MCF2: variants seen among roughly 807,000 people sequenced by gnomAD.
The protein encoded by MCF2 is MCF.2 cell line derived transforming sequence, also known as proto-oncogene DBL.
A neutral mutation model predicts 82.5 loss-of-function variants in MCF2; 44 were observed. The observed-to-expected ratio is 0.53, with a 90% CI of 0.42 to 0.69. The LOEUF (loss-of-function observed/expected upper bound fraction) is 0.69, where lower values mean the gene tolerates loss of function less well. Ranked by LOEUF, MCF2 falls within the 30% of genes least tolerant of loss-of-function variation. MCF2 has a pLI of 0.00. For missense variants in MCF2, 623 were observed against 663.1 expected (o/e 0.94, Z 0.66); for synonymous variants, 217 against 224.9 (o/e 0.96, Z 0.32).
chrX:139,583,162 C>T (rs921278952), intron 24 of MCF2, among the ~76,000 whole-genome samples: 2 of 111,582 alleles, frequency 1.8e-5, no homozygotes, highest in African/African-American at 6.5e-5. Flanking sequence ...GAGAATTCAC[C>T]TTTTACTGAG....
intron 2 of MCF2, 66 bp downstream of exon 5, chrX:139,632,269 T>C (rs1416869879): frequency 5.6e-6 from 5 of 892,792 alleles, no homozygotes; most frequent in Non-Finnish European, 6.0e-6. Flanking sequence ...ATGTAAAATA[T>C]AAACAGCATG....
intron 16 of MCF2, among the ~76,000 whole-genome samples, chrX:139,602,034 A>C (rs968342887): frequency 2.7e-5 from 3 of 111,536 alleles, no homozygotes; most frequent in African/African-American, 9.8e-5. Flanking sequence ...AATCTAACCA[A>C]AATTACGATA....
intron 1 of MCF2, among the ~76,000 whole-genome samples, chrX:139,705,367 C>T (rs189669666): frequency 4.5e-5 from 5 of 111,970 alleles, no homozygotes; most frequent in Admixed American, 3.8e-4. Flanking sequence ...AAAACAGACA[C>T]ATAGACCAAT....
chrX:139,626,829 A>G (rs1932772990), intron 4 of MCF2, 73 bp from the exon 8 acceptor site: 2 of 897,698 alleles, frequency 2.2e-6, no homozygotes. Context: ...AAGGGAGCAT[A>G]CAACTATGGC....
At chrX:139,702,913 G>T (rs758825216) in intron 1 of MCF2, among the ~76,000 whole-genome samples, 3 of 112,250 alleles carry the variant, frequency 2.7e-5, no homozygotes, top group African/African-American at 9.7e-5. Flanking sequence ...GTCTTTGGCT[G>T]TCAGCCTTAT....
chrX:139,595,476 A>G (rs1287552557), intron 19 of MCF2, among the ~76,000 whole-genome samples: 2 of 105,127 alleles, frequency 1.9e-5, no homozygotes, highest in East Asian at 3.0e-4. Context: ...CTATCGCAAG[A>G]ACAAAAAACC....
chrX:139,631,304 G>GTT lies in MCF2; in HGVS notation c.288+89_288+90dup, dbSNP rs56186070. 3.8e-4 allele frequency: 188 copies of GTT among 496,794 alleles called. 1 individual carries two copies. The highest frequency in any genetic ancestry group is 2.1e-3 in the African/African-American group (84 of 40,194). The allele number at this position is 496,794 out of a possible 1,213,427, so 40.9% of individuals were successfully genotyped here. A position where few individuals can be genotyped will look rare whatever the true frequency, so the allele number is the denominator to read the frequency against. On this transcript the variant is annotated intron_variant, in intron 3 of 24. Coordinates refer to ENST00000370576, the Ensembl canonical transcript of MCF2. ...GGGTTTTTTTGTTTTGTTTTGTTTT[G>GTT]TTTTTTTCAAATAGGAAAGAATTCT...
At chrX:139,622,700 A>G (rs1318293896) in intron 6 of MCF2, among the ~76,000 whole-genome samples, 2 of 107,941 alleles carry the variant, frequency 1.9e-5, no homozygotes, top group East Asian at 2.9e-4. Context: ...ATGGACACAG[A>G]AAGGGGAACA....
intron 1 of MCF2, among the ~76,000 whole-genome samples, chrX:139,683,072 G>A (rs1935040656): frequency 9.0e-6 from 1 of 111,393 alleles, no homozygotes; most frequent in Non-Finnish European, 1.9e-5. Flanking sequence ...TGGGACTACA[G>A]GAGTGTGCCA....
At chrX:139,583,483 G>A (rs1041504291) in intron 24 of MCF2, among the ~76,000 whole-genome samples, 2 of 111,476 alleles carry the variant, frequency 1.8e-5, no homozygotes, top group African/African-American at 6.5e-5. Context: ...GTTATCCTAA[G>A]CAAATTAACG....
intron 1 of MCF2, among the ~76,000 whole-genome samples, chrX:139,666,163 T>C (rs73577575): frequency 0.17 from 18,661 of 107,648 alleles, 1,270 homozygotes; most frequent in South Asian, 0.28. Flanking sequence ...TTATTGACTA[T>C]AGTCACTCTA....
chrX:139,582,477 T>C lies in MCF2; in HGVS notation c.2772A>G (p.Leu924=), dbSNP rs141871184. 89 of 1,207,873 alleles carry C rather than the reference T, an allele frequency of 7.4e-5. No individual in the cohort carries two copies. In the African/African-American group the frequency reaches 1.2e-3, roughly 16 times the overall value. The change falls in exon 25 of 25, where the codon CTA becomes CTG. Residue 924 remains leucine (L), a synonymous_variant. Transcript: ENST00000370576. ...ATTTGACATAGTAGCTTCATCAATA[T>C]AGGAGAGCCATCTCCGACACAGGTC... is the stretch of plus-strand genomic sequence containing the variant.
At chrX:139,695,025 ATTCT>A (rs1170534469) in intron 1 of MCF2, among the ~76,000 whole-genome samples, 63 of 99,251 alleles carry the variant, frequency 6.3e-4, no homozygotes, top group African/African-American at 2.2e-3. Context: ...ATCTCTCTGT[ATTCT>A]TTCTTTTTTT....
At position 139,617,721 on chromosome X, in the gene MCF2, C is replaced by T; in HGVS notation, c.808-17G>A. On this transcript the variant is annotated splice_polypyrimidine_tract_variant and intron_variant, in intron 7 of 24. Coordinates refer to ENST00000370576, the Ensembl canonical transcript of MCF2. The stretch of plus-strand genomic sequence containing the variant: ...TAATAGCTCCTGATTATAACAAAGA[C>T]AAAAAATAATGAATACATGATCTCT... 9.7e-7 allele frequency: 1 copy of T among 1,028,440 alleles called. No individual in the cohort carries two copies. Among genetic ancestry groups the T allele is most frequent in the Non-Finnish European group, 1.3e-6 (1 of 771,430 alleles). The allele number at this position is 1,028,440 out of a possible 1,213,427, so 84.8% of individuals were successfully genotyped here.
intron 1 of MCF2, among the ~76,000 whole-genome samples, chrX:139,684,108 A>G (rs1186798575): frequency 8.9e-6 from 1 of 112,598 alleles, no homozygotes; most frequent in Non-Finnish European, 1.9e-5. Flanking sequence ...TCCAGAGTAT[A>G]TAGAGAACTC....
chrX:139,695,177 C>T (rs147606530), intron 1 of MCF2, among the ~76,000 whole-genome samples: 1 of 109,368 alleles, frequency 9.1e-6, no homozygotes, highest in East Asian at 2.9e-4. Context: ...ATTACAGGCA[C>T]GTGCCACCAC....
At chrX:139,669,408 T>C (rs888594689) in intron 1 of MCF2, among the ~76,000 whole-genome samples, 1 of 112,089 alleles carries the variant, frequency 8.9e-6, no homozygotes, top group African/African-American at 3.2e-5. Flanking sequence ...CGTGGACAAA[T>C]TGGAACCCTC....
At position 139,651,584 on chromosome X, in the gene MCF2, T is replaced by C. The variant is rs1934015567; in HGVS notation, c.25+136A>G. 6 of 373,847 alleles carry C rather than the reference T, an allele frequency of 1.6e-5. No homozygotes were observed. The South Asian group carries it at 2.4e-4, about 15-fold the overall frequency. 30.8% of individuals were successfully genotyped at this position (373,847 alleles called of 1,213,427 possible). A position where few individuals can be genotyped will look rare whatever the true frequency, so the allele number is the denominator to read the frequency against. On this transcript the variant is annotated intron_variant, in intron 2 of 27. Coordinates refer to the MCF2 transcript ENST00000414978. ...TAGGTGCACAATGTACAAATGTTTATTGAAATAGTGCTTCTCAAATGAATA... is the reference window on the plus strand; with the variant it reads ...TAGGTGCACAATGTACAAATGTTTACTGAAATAGTGCTTCTCAAATGAATA...
intron 1 of MCF2, among the ~76,000 whole-genome samples, chrX:139,691,261 T>C (rs1047140015): frequency 9.0e-6 from 1 of 111,503 alleles, no homozygotes; most frequent in African/African-American, 3.3e-5. Context: ...GCTGTTTCCC[T>C]ACAACTCCTC....
Sources: allele counts gnomAD v4.1 joint callset (sites outside exome capture counted in the v4.1 genomes callset), GRCh38; gene constraint gnomAD v4.1.1; transcripts MANE v1.5; gene names NCBI Gene and HGNC (gene_info 2026-07-23, HGNC 2026-07-21).